CDK2AP1: variants seen among roughly 807,000 people sequenced by gnomAD.
CDK2AP1 encodes the protein cyclin-dependent kinase 2-associated protein 1.
In CDK2AP1, 10 loss-of-function variants were observed where a neutral mutation model predicts 14.1. The observed-to-expected ratio is 0.71, with a 90% CI of 0.44 to 1.20. The LOEUF is 1.20. CDK2AP1 is among the 50% of genes most tolerant of loss of function. CDK2AP1 has a pLI of 0.00. For missense variants in CDK2AP1, 102 were observed against 149.9 expected (o/e 0.68, Z 1.67); for synonymous variants, 59 against 59.8 (o/e 0.99, Z 0.06).
chr12:123,269,743 G>A (rs572024856), intron 1 of CDK2AP1, among the ~76,000 whole-genome samples: 51 of 152,346 alleles, frequency 3.3e-4, no homozygotes, highest in African/African-American at 1.2e-3. Context: ...GCCAGGCCGC[G>A]GCTTGGCAAC....
intron 1 of CDK2AP1, among the ~76,000 whole-genome samples, chr12:123,268,750 A>C (rs1247149754): frequency 1.3e-5 from 2 of 152,188 alleles, no homozygotes; most frequent in Non-Finnish European, 2.9e-5. Context: ...GGGGACGCAC[A>C]ACGCCCACGA....
Position 123,261,602 on chromosome 12 carries a change from G to T in CDK2AP1, c.*134C>A. On this transcript the variant is annotated 3_prime_UTR_variant, in exon 4 of 4. Transcript: ENST00000261692. ...CTCAATCTTTGAGACTGTAGGTTCA[G>T]AGCCAAGTGAACCATGGGAGGAAAA... 1.4e-6 allele frequency: 1 copy of T among 694,388 alleles called. No individual in the cohort carries two copies. 43.0% of individuals were successfully genotyped at this position (694,388 alleles called of 1,614,324 possible). A position where few individuals can be genotyped will look rare whatever the true frequency, so the allele number is the denominator to read the frequency against.
chr12:123,264,112 A>C lies in CDK2AP1; in HGVS notation c.280+1084T>G, dbSNP rs1230360601. ...TGACAGAGCTAGACTCCATCTCAAA[A>C]AAAAAAAAAAGAATGTTCCTCTCCC... On this transcript the variant is annotated intron_variant, in intron 3 of 3. Transcript: ENST00000261692. Among the ~76,000 whole-genome samples the C allele has an allele frequency of 2.1e-5, 3 of 140,772 alleles. No individual in the cohort carries two copies. In the Admixed American group the frequency reaches 2.2e-4, roughly 10 times the overall value. The allele number at this position is 140,772 out of a possible 152,430, so 92.4% of individuals were successfully genotyped here.
intron 2 of CDK2AP1, among the ~76,000 whole-genome samples, chr12:123,266,391 C>T (rs1354135747): frequency 6.6e-6 from 1 of 152,272 alleles, no homozygotes; most frequent in Non-Finnish European, 1.5e-5. Flanking sequence ...ACACCTGCTT[C>T]TCCTCCTGGG....
chr12:123,262,905 A>T (rs762848883), intron 3 of CDK2AP1, among the ~76,000 whole-genome samples: 4 of 146,862 alleles, frequency 2.7e-5, no homozygotes, highest in East Asian at 2.0e-4. Flanking sequence ...TCCCAAAATC[A>T]TTTTTTTTTT....
chr12:123,261,965 C>T, intron 3 of CDK2AP1, 162 bp from the exon 4 acceptor site: 1 of 569,926 alleles, frequency 1.8e-6, no homozygotes, highest in East Asian at 2.8e-5. Flanking sequence ...CTGAAGGACG[C>T]TAACAATCCC....
At chr12:123,270,886 C>A in intron 1 of CDK2AP1, 1 of 985,258 alleles carries the variant, frequency 1.0e-6, no homozygotes, top group Non-Finnish European at 1.2e-6. Context: ...TCCGCGCTCA[C>A]CTTACGGGGG....
chr12:123,265,361 G>C lies in CDK2AP1; in HGVS notation c.154-39C>G. The C allele has an allele frequency of 6.2e-7, 1 of 1,612,138 alleles. No individual in the cohort carries two copies. Among genetic ancestry groups the C allele is most frequent in the Non-Finnish European group, 8.5e-7 (1 of 1,178,438 alleles). ...GAAATGGGTTCAGCAAAATCAGCCGGGCGTGGTGGTGCGTGCCTGTAGTCC... is the reference window on the plus strand; with the variant it reads ...GAAATGGGTTCAGCAAAATCAGCCGCGCGTGGTGGTGCGTGCCTGTAGTCC... On this transcript the variant is annotated intron_variant, in intron 2 of 3. Transcript: ENST00000261692. The surrounding 1 kb of genome is among the most constrained non-coding windows in gnomAD (Gnocchi z 5.3).
At chr12:123,268,207 A>G (rs1379688874) in intron 1 of CDK2AP1, 2 of 985,552 alleles carry the variant, frequency 2.0e-6, no homozygotes, top group East Asian at 2.3e-4. Context: ...CCGCCCCCAG[A>G]GCCACACGGT....
intron 2 of CDK2AP1, among the ~76,000 whole-genome samples, 196 bp downstream of exon 2, chr12:123,266,989 G>A (rs1298880302): frequency 6.6e-6 from 1 of 152,146 alleles, no homozygotes; most frequent in African/African-American, 2.4e-5. Flanking sequence ...CACCTCACAC[G>A]TCCCCGCGAA....
intron 1 of CDK2AP1, among the ~76,000 whole-genome samples, chr12:123,268,771 G>A (rs1025490420): frequency 8.5e-5 from 13 of 152,206 alleles, no homozygotes; most frequent in African/African-American, 2.9e-4. Context: ...TATCTGGCAC[G>A]TCCATGGCCA....
intron 1 of CDK2AP1, chr12:123,267,928 C>T (rs1176314369): frequency 1.3e-5 from 2 of 153,430 alleles, no homozygotes; most frequent in Non-Finnish European, 2.9e-5. Context: ...CAGTCTATGC[C>T]CCAAGGGCTC....
At chr12:123,263,267 G>A (rs1359754601) in intron 3 of CDK2AP1, among the ~76,000 whole-genome samples, 2 of 150,540 alleles carry the variant, frequency 1.3e-5, no homozygotes, top group Admixed American at 6.6e-5. Context: ...CTCTTGGGCT[G>A]TAGTTGCCAA....
intron 1 of CDK2AP1, among the ~76,000 whole-genome samples, chr12:123,269,680 C>G (rs745381855): frequency 1.3e-5 from 2 of 151,772 alleles, no homozygotes; most frequent in Non-Finnish European, 2.9e-5. Flanking sequence ...GCCTGGGGGG[C>G]TCTGGGGCGG....
At chr12:123,269,498 G>C (rs566399675) in intron 1 of CDK2AP1, among the ~76,000 whole-genome samples, 1 of 152,256 alleles carries the variant, frequency 6.6e-6, no homozygotes, top group Non-Finnish European at 1.5e-5. Context: ...AGGACACAGG[G>C]ACCACGTCAG....
At chr12:123,266,421 C>T (rs751087074) in intron 2 of CDK2AP1, among the ~76,000 whole-genome samples, 3 of 152,268 alleles carry the variant, frequency 2.0e-5, no homozygotes, top group African/African-American at 4.8e-5. Flanking sequence ...CCTGGTGGGG[C>T]ATGGCCGGGG....
chr12:123,264,604 G>C (rs1313224200), intron 3 of CDK2AP1, among the ~76,000 whole-genome samples: 1 of 151,762 alleles, frequency 6.6e-6, no homozygotes, highest in Admixed American at 6.6e-5. Context: ...TATTTCAGAA[G>C]GTAGCAACCT....
At chr12:123,266,594 C>T (rs1331989191) in intron 2 of CDK2AP1, among the ~76,000 whole-genome samples, 2 of 152,222 alleles carry the variant, frequency 1.3e-5, no homozygotes, top group Admixed American at 6.5e-5. Context: ...TCCTGCTGTT[C>T]GCCAGCCTGG....
chr12:123,271,635 C>A lies in CDK2AP1; in HGVS notation c.-17G>T, dbSNP rs1189336732. 7 of 977,088 alleles carry A rather than the reference C, an allele frequency of 7.2e-6. No homozygotes were observed. Among genetic ancestry groups the A allele is most frequent in the Non-Finnish European group, 8.5e-6 (7 of 824,360 alleles). 60.5% of individuals were successfully genotyped at this position (977,088 alleles called of 1,614,324 possible). A position where few individuals can be genotyped will look rare whatever the true frequency, so the allele number is the denominator to read the frequency against. ...GTAAGACATCCCCCCGGGCGGCGGGCGCGCCGGGCGCGGCGGGGCCAGGCC... is the reference window on the plus strand; with the variant it reads ...GTAAGACATCCCCCCGGGCGGCGGGAGCGCCGGGCGCGGCGGGGCCAGGCC... On this transcript the variant is annotated 5_prime_UTR_variant, in exon 1 of 4. Transcript: ENST00000261692.
Sources: allele counts gnomAD v4.1 joint callset (sites outside exome capture counted in the v4.1 genomes callset), GRCh38; gene constraint gnomAD v4.1.1; non-coding constraint Gnocchi (gnomAD v3.1); transcripts MANE v1.5; gene names NCBI Gene and HGNC (gene_info 2026-07-23, HGNC 2026-07-21).